The following TAFA2 variants were observed in gnomAD, a reference collection of about 807,000 sequenced individuals.
TAFA2 encodes TAFA chemokine like family member 2.
A neutral mutation model predicts 18.8 loss-of-function variants in TAFA2; 7 were observed. That is an observed-to-expected ratio of 0.37 (90% CI 0.21 to 0.70). The LOEUF is 0.70. TAFA2 is among the 30% of genes least tolerant of loss of function. The pLI is 0.53. For synonymous variants in TAFA2, 60 were observed against 54.2 expected (o/e 1.11, Z -0.47); for missense variants, 122 against 158.1 (o/e 0.77, Z 1.23).
chr12:61,991,277 C>T (rs1011055723), intron 1 of TAFA2, among the ~76,000 whole-genome samples: 1 of 152,160 alleles, frequency 6.6e-6, no homozygotes, highest in East Asian at 1.9e-4. Context: ...TTATACGGTG[C>T]ATTGTAAGTC....
chr12:62,109,158 A>G (rs148969522), intron 1 of TAFA2, among the ~76,000 whole-genome samples: 2,673 of 152,288 alleles, frequency 0.018, 75 homozygotes, highest in African/African-American at 0.059. Flanking sequence ...ATTTTTGTAT[A>G]AGGTGTAAGG....
chr12:61,790,284 A>G (rs1870920154), intron 2 of TAFA2, among the ~76,000 whole-genome samples: 1 of 151,928 alleles, frequency 6.6e-6, no homozygotes, highest in Non-Finnish European at 1.5e-5. Context: ...GAAAAGCTAA[A>G]CACTTTTTCT....
intron 1 of TAFA2, chr12:62,234,403 G>C: frequency 2.9e-6 from 2 of 698,678 alleles, no homozygotes; most frequent in South Asian, 2.7e-5. Flanking sequence ...ACCAGGAACA[G>C]GACCGTCCTG....
chr12:62,102,149 C>T (rs1368580042), intron 1 of TAFA2, among the ~76,000 whole-genome samples: 1 of 152,190 alleles, frequency 6.6e-6, no homozygotes, highest in Non-Finnish European at 1.5e-5. Context: ...TTTCATTATA[C>T]TTGTGCTTTG....
intron 4 of TAFA2, among the ~76,000 whole-genome samples, chr12:61,729,005 G>T (rs1395423427): frequency 6.7e-6 from 1 of 150,280 alleles, no homozygotes; most frequent in Non-Finnish European, 1.5e-5. Flanking sequence ...ATGAAGCTTA[G>T]TTTCACTGAA....
At chr12:62,210,713 TG>T (rs1323795252) in intron 1 of TAFA2, among the ~76,000 whole-genome samples, 2 of 152,138 alleles carry the variant, frequency 1.3e-5, no homozygotes, top group Non-Finnish European at 2.9e-5. Context: ...AATTTTTTAA[TG>T]AAAGATTTTA....
chr12:61,889,978 T>G (rs992950216), intron 1 of TAFA2, among the ~76,000 whole-genome samples: 2 of 152,208 alleles, frequency 1.3e-5, no homozygotes, highest in Non-Finnish European at 2.9e-5. Context: ...TCTATTAAAG[T>G]AGATATTTTA....
At chr12:61,852,425 T>C (rs1434828469) in intron 2 of TAFA2, among the ~76,000 whole-genome samples, 1 of 152,112 alleles carries the variant, frequency 6.6e-6, no homozygotes, top group Non-Finnish European at 1.5e-5. Flanking sequence ...TGGCTGAGAA[T>C]GCTTTCTGAA....
intron 1 of TAFA2, among the ~76,000 whole-genome samples, chr12:62,129,874 T>TG (rs1870614416): frequency 1.3e-5 from 2 of 152,090 alleles, no homozygotes; most frequent in South Asian, 4.1e-4. Flanking sequence ...GAACCACTGC[T>TG]GTACAGGTTA....
rs535389945 is a variant in TAFA2 at position 62,075,382 on chromosome 12, T to C, written c.-2+115877A>G. Among the ~76,000 whole-genome samples the C allele has an allele frequency of 2.3e-4, 35 of 152,298 alleles. 1 individual carries two copies. The highest frequency in any genetic ancestry group is 3.4e-3 in the Middle Eastern group (1 of 292). ...AGAGGGCATACATCCCCAGGCTCTTTTGCAGTTAGGCATGGCCATGTGTCC... is the reference window on the plus strand; with the variant it reads ...AGAGGGCATACATCCCCAGGCTCTTCTGCAGTTAGGCATGGCCATGTGTCC... On this transcript the variant is annotated intron_variant, in intron 1 of 4. Coordinates refer to ENST00000416284, the MANE Select transcript of TAFA2 (RefSeq NM_178539.5).
chr12:62,169,207 C>T (rs1334087670), intron 1 of TAFA2, among the ~76,000 whole-genome samples: 3 of 151,978 alleles, frequency 2.0e-5, no homozygotes, highest in Non-Finnish European at 4.4e-5. Context: ...AGGAATGTGC[C>T]TAGTTCTAAA....
intron 1 of TAFA2, among the ~76,000 whole-genome samples, chr12:62,202,460 C>T (rs563667659): frequency 6.6e-6 from 1 of 152,134 alleles, no homozygotes; most frequent in East Asian, 1.9e-4. Context: ...ATTCTCTCGC[C>T]TCAGCCTCCC....
chr12:61,727,487 T>C (rs1026439033), intron 4 of TAFA2, among the ~76,000 whole-genome samples: 5 of 151,916 alleles, frequency 3.3e-5, no homozygotes, highest in Admixed American at 2.6e-4. Flanking sequence ...CTCCTCTAGG[T>C]CTTCTAGTTT....
chr12:62,070,790 T>C (rs1419525376), intron 1 of TAFA2, among the ~76,000 whole-genome samples: 2 of 152,222 alleles, frequency 1.3e-5, no homozygotes, highest in Non-Finnish European at 2.9e-5. Context: ...ATTTTTTCTC[T>C]TTTCTGTTTT....
chr12:62,006,000 T>A (rs1393001218), intron 1 of TAFA2, among the ~76,000 whole-genome samples: 1 of 152,142 alleles, frequency 6.6e-6, no homozygotes, highest in Non-Finnish European at 1.5e-5. Flanking sequence ...AAAATAAACT[T>A]CAACATTTTC....
At chr12:61,896,285 G>A (rs1875839846) in intron 1 of TAFA2, among the ~76,000 whole-genome samples, 1 of 152,004 alleles carries the variant, frequency 6.6e-6, no homozygotes, top group South Asian at 2.1e-4. Context: ...ATAAAATTCT[G>A]GAATGAAAAA....
intron 1 of TAFA2, among the ~76,000 whole-genome samples, chr12:62,145,912 T>C (rs2062277698): frequency 6.6e-6 from 1 of 152,218 alleles, no homozygotes; most frequent in Non-Finnish European, 1.5e-5. Flanking sequence ...CCCCCTTGGG[T>C]AGGATACCAG....
chr12:61,897,968 C>T (rs1026687601), intron 1 of TAFA2, among the ~76,000 whole-genome samples: 19 of 152,342 alleles, frequency 1.2e-4, no homozygotes, highest in South Asian at 2.1e-4. Flanking sequence ...GGGGTGCAGG[C>T]ATTGGATAAA....
chr12:61,722,793 C>T (rs188968031), intron 4 of TAFA2, among the ~76,000 whole-genome samples: 3 of 152,222 alleles, frequency 2.0e-5, no homozygotes, highest in Admixed American at 6.5e-5. Flanking sequence ...CTTGGTCCCA[C>T]TACTACACTC....
Sources: gnomAD v4.1 joint callset for allele counts (sites outside exome capture counted in the v4.1 genomes callset) on GRCh38, gnomAD v4.1.1 for gene constraint, MANE v1.5 for transcripts, NCBI Gene and HGNC (gene_info 2026-07-23, HGNC 2026-07-21) for gene names.